PCDHGA5: variants seen among roughly 807,000 people sequenced by gnomAD.
PCDHGA5 encodes the protein protocadherin gamma-A5.
Under a neutral mutation model 56.7 loss-of-function variants are expected in PCDHGA5, and 36 were observed. The ratio of observed to expected loss-of-function variants is 0.64; its 90% CI spans 0.49 to 0.84. The LOEUF (loss-of-function observed/expected upper bound fraction) is 0.84, where lower values mean the gene tolerates loss of function less well. Ranked by LOEUF, PCDHGA5 falls within the 40% of genes least tolerant of loss-of-function variation. The probability of loss-of-function intolerance (pLI) is 0.00; values close to 1 mark genes in which losing one functional copy is unlikely to be tolerated. For synonymous variants in PCDHGA5, 563 were observed against 520.2 expected (o/e 1.08, Z -1.12); for missense variants, 1,305 against 1,201.5 (o/e 1.09, Z -1.27).
intron 1 of PCDHGA5, chr5:141,419,798 A>G: frequency 6.2e-7 from 1 of 1,614,050 alleles, no homozygotes; most frequent in Admixed American, 1.7e-5. Flanking sequence ...AGTCGCTGTA[A>G]GAGATGGAGG....
intron 1 of PCDHGA5, among the ~76,000 whole-genome samples, chr5:141,482,326 G>T (rs982211258): frequency 6.6e-6 from 1 of 152,072 alleles, no homozygotes. Context: ...AAAATAAAGA[G>T]AATATCTACT....
intron 1 of PCDHGA5, chr5:141,375,652 G>A (rs1200856953): frequency 1.8e-5 from 29 of 1,614,096 alleles, no homozygotes; most frequent in Non-Finnish European, 2.3e-5. Context: ...TCGACTATGA[G>A]CAGTTGAGAG....
At chr5:141,368,644 G>C (rs948987019) in intron 1 of PCDHGA5, among the ~76,000 whole-genome samples, 1 of 152,090 alleles carries the variant, frequency 6.6e-6, no homozygotes, top group African/African-American at 2.4e-5. Context: ...AATGTTTTGT[G>C]CAATGGAAAA....
At position 141,500,368 on chromosome 5, in the gene PCDHGA5, C is replaced by T. The variant is rs181410708; in HGVS notation, c.2481-5025C>T. Among the ~76,000 whole-genome samples, 364 of 152,050 alleles carry T rather than the reference C, an allele frequency of 2.4e-3. 3 individuals carry two copies. The highest frequency in any genetic ancestry group is 9.2e-3 in the Admixed American group (140 of 15,274). ...GGACTACAGGCGCCCACTACCACGCCCGGCTAATTATTTTGTATTTTTAGT... is the reference window on the plus strand; with the variant it reads ...GGACTACAGGCGCCCACTACCACGCTCGGCTAATTATTTTGTATTTTTAGT... On this transcript the variant is annotated intron_variant, in intron 2 of 3. Transcript: ENST00000518069.
In PCDHGA5 at chr5:141,393,130, T is replaced by C. The variant is rs752035971; in HGVS notation, c.2421+26379T>C. 19 of 1,613,248 alleles carry C rather than the reference T, an allele frequency of 1.2e-5. No individual in the cohort carries two copies. In the Admixed American group the frequency reaches 2.7e-4, roughly 23 times the overall value. On this transcript the variant is annotated intron_variant, in intron 1 of 3. Transcript: ENST00000518069. ...CAGAGCCCGCGGTGTCTGATAAATA[T>C]TAACACCCTGGTTGAGGATAAAGGA...
At position 141,485,162 on chromosome 5, in the gene PCDHGA5, C is replaced by A. The variant is rs759021453; in HGVS notation, c.2422-9645C>A. The A allele has an allele frequency of 8.7e-6, 14 of 1,602,188 alleles. No individual in the cohort carries two copies. The Admixed American group carries it at 2.0e-4, about 23-fold the overall frequency. ...GTCTCAGGAGCAAGTAGAGAATTAGCGGGCGGCAGCAATGCTCCGCAAGGT... is the reference window on the plus strand; with the variant it reads ...GTCTCAGGAGCAAGTAGAGAATTAGAGGGCGGCAGCAATGCTCCGCAAGGT... On this transcript the variant is annotated intron_variant, in intron 1 of 3. Transcript: ENST00000518069. The surrounding 1 kb of genome is among the most constrained non-coding windows in gnomAD (Gnocchi z 5.7).
chr5:141,393,408 G>T (rs2092753153), intron 1 of PCDHGA5: 1 of 1,614,022 alleles, frequency 6.2e-7, no homozygotes, highest in East Asian at 2.2e-5. Context: ...GCTGGAGCGC[G>T]CCCTGGACAG....
At chr5:141,451,607 C>T (rs2154563647) in intron 1 of PCDHGA5, among the ~76,000 whole-genome samples, 1 of 152,288 alleles carries the variant, frequency 6.6e-6, no homozygotes, top group Non-Finnish European at 1.5e-5. Context: ...CAAGGCTAGG[C>T]ATGGTGGCTC....
At chr5:141,411,578 T>C (rs892738350) in intron 1 of PCDHGA5, 10 of 152,194 alleles carry the variant, frequency 6.6e-5, no homozygotes, top group African/African-American at 2.4e-4. Flanking sequence ...AGTGCGACCC[T>C]GTCTCTAAAA....
chr5:141,473,233 C>T (rs116489525), intron 1 of PCDHGA5, among the ~76,000 whole-genome samples: 1,684 of 152,238 alleles, frequency 0.011, 34 homozygotes, highest in African/African-American at 0.039. Flanking sequence ...ATTGGATCCA[C>T]ACAAGTGAAT....
At chr5:141,473,810 G>A (rs549204595) in intron 1 of PCDHGA5, among the ~76,000 whole-genome samples, 1 of 152,334 alleles carries the variant, frequency 6.6e-6, no homozygotes, top group South Asian at 2.1e-4. Flanking sequence ...CTGAGGAGCA[G>A]CTGGACAATT....
intron 1 of PCDHGA5, chr5:141,419,693 A>G (rs1241615790): frequency 6.2e-7 from 1 of 1,612,884 alleles, no homozygotes; most frequent in Non-Finnish European, 8.5e-7. Flanking sequence ...GGTGCAGGCC[A>G]GTGAGCCCGG....
At chr5:141,373,075 G>T (rs1337771380) in intron 1 of PCDHGA5, among the ~76,000 whole-genome samples, 1 of 152,076 alleles carries the variant, frequency 6.6e-6, no homozygotes, top group Non-Finnish European at 1.5e-5. Flanking sequence ...TTTTAATACA[G>T]TATTATCTCA....
chr5:141,388,408 G>A (rs2091351933), intron 1 of PCDHGA5: 1 of 1,613,848 alleles, frequency 6.2e-7, no homozygotes, highest in African/African-American at 1.3e-5. Context: ...CTCAGTCCCA[G>A]TGATCATTTC....
chr5:141,473,263 T>C (rs2099318134), intron 1 of PCDHGA5, among the ~76,000 whole-genome samples: 1 of 152,210 alleles, frequency 6.6e-6, no homozygotes, highest in African/African-American at 2.4e-5. Context: ...GTCCTTAGTG[T>C]ATGCTATGAT....
At chr5:141,376,262 G>A (rs1417719002) in intron 1 of PCDHGA5, 2 of 1,614,108 alleles carry the variant, frequency 1.2e-6, no homozygotes, top group Admixed American at 1.7e-5. Context: ...CCTGCTGCAG[G>A]CTTCGGGAGG....
chr5:141,388,477 C>A (rs371333912), intron 1 of PCDHGA5: 34 of 1,613,702 alleles, frequency 2.1e-5, no homozygotes, highest in Non-Finnish European at 2.9e-5. Flanking sequence ...GTATTGAAGA[C>A]ACCTTTGGAC....
chr5:141,454,081 T>C (rs1009599234), intron 1 of PCDHGA5, among the ~76,000 whole-genome samples: 2 of 152,198 alleles, frequency 1.3e-5, no homozygotes, highest in African/African-American at 4.8e-5. Flanking sequence ...ATGTTTTCAG[T>C]GAAATTTGAA....
At position 141,511,563 on chromosome 5, in the gene PCDHGA5, C is replaced by T. The variant is rs911782127; in HGVS notation, c.*390C>T. ...CCCCACTCCAACAGTTCCTCTTTCCCGAGTAAGGTGGTTGGGGTGTTGAAG... is the reference window on the plus strand; with the variant it reads ...CCCCACTCCAACAGTTCCTCTTTCCTGAGTAAGGTGGTTGGGGTGTTGAAG... On this transcript the variant is annotated 3_prime_UTR_variant, in exon 4 of 4. Coordinates refer to ENST00000518069, the MANE Select transcript of PCDHGA5 (RefSeq NM_018918.3). The T allele has an allele frequency of 7.8e-5, 23 of 295,048 alleles. No homozygotes were observed. The highest frequency in any genetic ancestry group is 3.4e-4 in the African/African-American group (16 of 46,532). The allele number at this position is 295,048 out of a possible 1,614,324, so 18.3% of individuals were successfully genotyped here. A position where few individuals can be genotyped will look rare whatever the true frequency, so the allele number is the denominator to read the frequency against.
Sources: allele counts gnomAD v4.1 joint callset (sites outside exome capture counted in the v4.1 genomes callset), GRCh38; gene constraint gnomAD v4.1.1; non-coding constraint Gnocchi (gnomAD v3.1); transcripts MANE v1.5; gene names NCBI Gene and HGNC (gene_info 2026-07-23, HGNC 2026-07-21).